SDAD1: variants seen among roughly 807,000 people sequenced by gnomAD.
SDAD1 encodes the protein SDA1 domain containing 1.
SDAD1 carries 79 observed loss-of-function variants against 100.3 expected under a neutral mutation model. That is an observed-to-expected ratio of 0.79 (90% CI 0.66 to 0.95). The LOEUF (loss-of-function observed/expected upper bound fraction) is 0.95. SDAD1 is among the 40% of genes least tolerant of loss of function. The pLI is 0.00. For synonymous variants in SDAD1, 267 were observed against 271.4 expected (o/e 0.98, Z 0.16); for missense variants, 790 against 810.9 (o/e 0.97, Z 0.31).
Position 75,950,678 on chromosome 4 carries a change from C to G in SDAD1, c.*72G>C, listed in dbSNP as rs1728579911. ...GGACTTTTTAATGTAAACAAACATGCTTGATTTACCAATTTTCAGAGCAAG... is the reference window on the plus strand; with the variant it reads ...GGACTTTTTAATGTAAACAAACATGGTTGATTTACCAATTTTCAGAGCAAG... On this transcript the variant is annotated 3_prime_UTR_variant, in exon 22 of 22. Coordinates refer to ENST00000356260, the MANE Select transcript of SDAD1 (RefSeq NM_018115.4). 9.0e-7 allele frequency: 1 copy of G among 1,111,238 alleles called. No homozygotes were observed. 68.8% of individuals were successfully genotyped at this position (1,111,238 alleles called of 1,614,324 possible).
chr4:75,984,084 G>T (rs1422459088), intron 1 of SDAD1, among the ~76,000 whole-genome samples: 1 of 151,454 alleles, frequency 6.6e-6, no homozygotes, highest in Non-Finnish European at 1.5e-5. Flanking sequence ...GTTTGTCAAA[G>T]ATCAGGTGGT....
Position 75,961,239 on chromosome 4 carries a change from C to G in SDAD1, c.1251G>C (p.Leu417=). 1 of 1,614,000 alleles carries G rather than the reference C, an allele frequency of 6.2e-7. No individual in the cohort carries two copies. The part of the protein sequence containing the change: ...LAMTEELLQD[L]AQYKTHKDKN... ...TATCCTTGTGTGTTTTATACTGAGC[C>G]AGGTCTTGGAGAAGTTCTTCAGTCA... is the stretch of plus-strand genomic sequence containing the variant. The change falls in exon 15 of 22, where the codon CTG becomes CTC. Residue 417 remains leucine, a synonymous_variant. Transcript: ENST00000356260.
At chr4:75,952,913 T>C (rs1728692560) in intron 21 of SDAD1, among the ~76,000 whole-genome samples, 1 of 152,266 alleles carries the variant, frequency 6.6e-6, no homozygotes, top group Admixed American at 6.5e-5. Flanking sequence ...AAATAAGATA[T>C]ATTGTTACAA....
In SDAD1 at chr4:75,952,256, C is replaced by G. The variant is rs1728661675; in HGVS notation, c.2017-1459G>C. On this transcript the variant is annotated intron_variant, in intron 21 of 21. Transcript: ENST00000356260. ...ATTAAACAAGTTAATAAATGGAAAG[C>G]CCTGGAATAGTGAAGTCTCATGCTA... Among the ~76,000 whole-genome samples, 3 of 152,172 alleles carry G rather than the reference C, an allele frequency of 2.0e-5. No homozygotes were observed. In the South Asian group the frequency reaches 6.2e-4, roughly 31 times the overall value.
intron 16 of SDAD1, 62 bp downstream of exon 16, chr4:75,960,966 G>T: frequency 1.5e-6 from 2 of 1,366,420 alleles, no homozygotes; most frequent in Non-Finnish European, 2.1e-6. Context: ...CCTAATTGTA[G>T]GAAATTTCTC....
chr4:75,971,184 G>A (rs998734720), intron 9 of SDAD1, among the ~76,000 whole-genome samples, 173 bp downstream of exon 9: 1 of 152,172 alleles, frequency 6.6e-6, no homozygotes, highest in South Asian at 2.1e-4. Flanking sequence ...CACTGATTTT[G>A]CTAGAGCTGA....
At chr4:75,972,649 A>ATTTT (rs33999037) in intron 8 of SDAD1, among the ~76,000 whole-genome samples, 1 of 143,840 alleles carries the variant, frequency 7.0e-6, no homozygotes, top group Non-Finnish European at 1.5e-5. Context: ...GGGAAGGATA[A>ATTTT]TTTTTTTTTT....
chr4:75,968,542 C>T (rs531585155), intron 11 of SDAD1, among the ~76,000 whole-genome samples: 32 of 151,936 alleles, frequency 2.1e-4, no homozygotes, highest in African/African-American at 6.8e-4. Flanking sequence ...GTGTAAAGTT[C>T]CCATATATAT....
chr4:75,990,626 G>A (rs1731201691), intron 1 of SDAD1, 126 bp downstream of exon 1: 1 of 1,593,082 alleles, frequency 6.3e-7, no homozygotes, highest in Non-Finnish European at 8.5e-7. Flanking sequence ...TCCTCTGGAG[G>A]GACCCCTGAA....
chr4:75,979,766 T>TA (rs530208676), intron 3 of SDAD1, among the ~76,000 whole-genome samples: 253 of 152,242 alleles, frequency 1.7e-3, no homozygotes, highest in Non-Finnish European at 3.0e-3. Flanking sequence ...AAATCTTTAT[T>TA]ATTTTTTAAA....
chr4:75,963,254 T>TCTGTTTTGGTACCAGTACCATG (rs58618708), intron 14 of SDAD1, among the ~76,000 whole-genome samples: 8,521 of 140,354 alleles, frequency 0.061, 402 homozygotes, highest in African/African-American at 0.11. Flanking sequence ...GGTCTCTATC[T>TCTGTTTTGGTACCAGTACCATG]CTGTTTTGGT....
Position 75,960,072 on chromosome 4 carries a change from C to T in SDAD1, c.1477G>A (p.Asp493Asn), listed in dbSNP as rs199729977. 1 of 1,606,552 alleles carries T rather than the reference C, an allele frequency of 6.2e-7. No individual in the cohort carries two copies. The highest frequency in any genetic ancestry group is 8.5e-7 in the Non-Finnish European group (1 of 1,178,480). ...GGGTGAAATAAAAATCAACCTTCATCATTTTCAGCATTCTCTTCTTTCTCA... is the reference window on the plus strand; with the variant it reads ...GGGTGAAATAAAAATCAACCTTCATTATTTTCAGCATTCTCTTCTTTCTCA... ...EVEKEENAEN[D>N]EDGWESTSLS... Residue 493 changes from aspartate to asparagine, a missense_variant, in exon 17 of 22, where the codon GAT becomes AAT. Coordinates refer to ENST00000356260, the MANE Select transcript of SDAD1 (RefSeq NM_018115.4).
rs758738214 is a variant in SDAD1 at position 75,950,741 on chromosome 4, G to C, written c.*9C>G. ...GCATTCTTCTAGGAATGGAAAACTTGCCAGGAAGTTACTTCATTCTTTTTC... is the reference window on the plus strand; with the variant it reads ...GCATTCTTCTAGGAATGGAAAACTTCCCAGGAAGTTACTTCATTCTTTTTC... On this transcript the variant is annotated 3_prime_UTR_variant, in exon 22 of 22. Transcript: ENST00000356260. The C allele has an allele frequency of 6.3e-7, 1 of 1,576,382 alleles. No homozygotes were observed. The highest frequency in any genetic ancestry group is 1.1e-5 in the South Asian group (1 of 88,012).
At chr4:75,967,418 C>T in intron 11 of SDAD1, 84 bp from the exon 12 acceptor site, 1 of 1,229,308 alleles carries the variant, frequency 8.1e-7, no homozygotes, top group Non-Finnish European at 1.2e-6. Flanking sequence ...TATCACCAAG[C>T]TCAACTAATT....
intron 8 of SDAD1, among the ~76,000 whole-genome samples, chr4:75,972,355 G>A (rs182686391): frequency 2.0e-5 from 3 of 150,028 alleles, no homozygotes; most frequent in East Asian, 3.9e-4. Context: ...CTTTAGGTCC[G>A]TGCCATCTTT....
chr4:75,955,873 C>T, intron 21 of SDAD1, 102 bp downstream of exon 21: 1 of 1,321,166 alleles, frequency 7.6e-7, no homozygotes, highest in Non-Finnish European at 1.0e-6. Flanking sequence ...AAGACACACA[C>T]AATAATGCCC....
chr4:75,960,958 T>TA, intron 16 of SDAD1, 70 bp downstream of exon 16: 1 of 1,278,236 alleles, frequency 7.8e-7, no homozygotes. Context: ...ACTAAAATCC[T>TA]AATTGTAGGA....
At chr4:75,968,958 G>A (rs769870339) in intron 11 of SDAD1, among the ~76,000 whole-genome samples, 4 of 150,350 alleles carry the variant, frequency 2.7e-5, no homozygotes, top group Non-Finnish European at 5.9e-5. Context: ...TTGAACCCAG[G>A]AGGTGGAGGT....
In SDAD1 at chr4:75,978,982, GAAAAAAAAAAAAAAA is replaced by G. The variant is rs538009004; in HGVS notation, c.295-1241_295-1227del. Among the ~76,000 whole-genome samples the G allele has an allele frequency of 9.5e-4, 36 of 38,066 alleles. 2 individuals carry two copies. The East Asian group carries it at 0.055, about 59-fold the overall frequency. The allele number at this position is 38,066 out of a possible 152,430, so 25.0% of individuals were successfully genotyped here. A position where few individuals can be genotyped will look rare whatever the true frequency, so the allele number is the denominator to read the frequency against. On this transcript the variant is annotated intron_variant, in intron 3 of 21. Coordinates refer to ENST00000356260, the MANE Select transcript of SDAD1 (RefSeq NM_018115.4). ...CAGCTGAGTGACAGACCCTGTCTCAGAAAAAAAAAAAAAAAAAAAAAAAAAAAAATTCAGGGAAAT... is the reference window on the plus strand; with the variant it reads ...CAGCTGAGTGACAGACCCTGTCTCAGAAAAAAAAAAAAAATTCAGGGAAAT...
Sources: allele counts gnomAD v4.1 joint callset (sites outside exome capture counted in the v4.1 genomes callset), GRCh38; gene constraint gnomAD v4.1.1; transcripts MANE v1.5; gene names NCBI Gene and HGNC (gene_info 2026-07-23, HGNC 2026-07-21).